The following PHLPP1 variants were observed in gnomAD, a reference collection of about 807,000 sequenced individuals.
The protein encoded by PHLPP1 is PH domain and leucine rich repeat protein phosphatase 1, also known as PH domain leucine-rich repeat-containing protein phosphatase 1.
In PHLPP1, 42 loss-of-function variants were observed where a neutral mutation model predicts 117.2. The observed-to-expected ratio is 0.36, with a 90% CI of 0.28 to 0.46. The LOEUF (loss-of-function observed/expected upper bound fraction) is 0.46. Among genes scored for constraint, PHLPP1 ranks in the 20% least tolerant of loss-of-function variants. PHLPP1 has a pLI of 1.00. For synonymous variants in PHLPP1, 1,042 were observed against 970.7 expected, an observed-to-expected ratio of 1.07 and a Z score of -1.37; for missense variants, 2,084 against 2,241.9, an observed-to-expected ratio of 0.93 and a Z score of 1.42.
intron 12 of PHLPP1, among the ~76,000 whole-genome samples, chr18:62,957,795 A>G (rs552220387): frequency 9.9e-5 from 15 of 150,922 alleles, no homozygotes; most frequent in Middle Eastern, 3.4e-3. Flanking sequence ...GGCTCACTGC[A>G]TCCTCCACCT....
At chr18:62,789,753 G>A (rs1455489639) in intron 1 of PHLPP1, among the ~76,000 whole-genome samples, 1 of 152,120 alleles carries the variant, frequency 6.6e-6, no homozygotes, top group Non-Finnish European at 1.5e-5. Context: ...ATAGGGCTGG[G>A]AAGTTCTGAG....
chr18:62,885,733 T>A (rs1916270660), intron 4 of PHLPP1, among the ~76,000 whole-genome samples: 1 of 152,168 alleles, frequency 6.6e-6, no homozygotes, highest in African/African-American at 2.4e-5. Flanking sequence ...TGCATGAATT[T>A]AGTGCATTTA....
intron 12 of PHLPP1, among the ~76,000 whole-genome samples, chr18:62,953,878 G>A (rs967201716): frequency 1.1e-4 from 17 of 152,080 alleles, no homozygotes; most frequent in Non-Finnish European, 2.9e-5. Flanking sequence ...AAGGAAGTAG[G>A]GTGTTACAGA....
At chr18:62,924,333 A>G (rs1909562072) in intron 10 of PHLPP1, among the ~76,000 whole-genome samples, 1 of 152,132 alleles carries the variant, frequency 6.6e-6, no homozygotes. Flanking sequence ...GTTTCGTTAT[A>G]TAACTGAGGA....
At chr18:62,957,798 C>T (rs1290919922) in intron 12 of PHLPP1, among the ~76,000 whole-genome samples, 1 of 151,962 alleles carries the variant, frequency 6.6e-6, no homozygotes, top group Non-Finnish European at 1.5e-5. Context: ...TCACTGCATC[C>T]TCCACCTCCC....
intron 4 of PHLPP1, among the ~76,000 whole-genome samples, chr18:62,875,115 T>G (rs1192750423): frequency 1.3e-5 from 2 of 152,022 alleles, no homozygotes; most frequent in Non-Finnish European, 2.9e-5. Context: ...CCACCACTCC[T>G]GGCTAATTTT....
chr18:62,790,258 G>A (rs1913418520), intron 1 of PHLPP1, among the ~76,000 whole-genome samples: 1 of 152,172 alleles, frequency 6.6e-6, no homozygotes, highest in Admixed American at 6.5e-5. Flanking sequence ...AGCCCAAACA[G>A]ACACTACAGA....
At chr18:62,919,879 A>C (rs879242827) in intron 9 of PHLPP1, 80 bp from the exon 10 acceptor site, 1 of 984,152 alleles carries the variant, frequency 1.0e-6, no homozygotes. Context: ...GCTCCAAGTG[A>C]ATTTGTGATT....
At chr18:62,977,508 C>T (rs926702981) in intron 16 of PHLPP1, among the ~76,000 whole-genome samples, 4 of 149,670 alleles carry the variant, frequency 2.7e-5, no homozygotes, top group African/African-American at 9.9e-5. Flanking sequence ...ATTTAAATAG[C>T]ATGCACACAG....
intron 6 of PHLPP1, among the ~76,000 whole-genome samples, chr18:62,900,370 T>TC: frequency 6.7e-6 from 1 of 149,420 alleles, no homozygotes; most frequent in Non-Finnish European, 1.5e-5. Flanking sequence ...CCTAGTTACA[T>TC]CATGGTGACT....
intron 1 of PHLPP1, among the ~76,000 whole-genome samples, chr18:62,721,759 A>G (rs888170094): frequency 2.0e-5 from 3 of 152,184 alleles, no homozygotes; most frequent in Non-Finnish European, 4.4e-5. Context: ...TTTTAGGTTG[A>G]AAGTTTTATC....
chr18:62,844,230 A>G (rs956192361), intron 3 of PHLPP1, among the ~76,000 whole-genome samples: 1 of 152,122 alleles, frequency 6.6e-6, no homozygotes, highest in East Asian at 1.9e-4. Flanking sequence ...CCAGCTACTC[A>G]GGAGGCTGAG....
At chr18:62,903,849 G>A (rs1286579146) in intron 7 of PHLPP1, among the ~76,000 whole-genome samples, 1 of 151,492 alleles carries the variant, frequency 6.6e-6, no homozygotes. Context: ...ACACCATGAA[G>A]CTAGAGTCTT....
At chr18:62,883,206 G>T (rs1360690603) in intron 4 of PHLPP1, among the ~76,000 whole-genome samples, 1 of 152,148 alleles carries the variant, frequency 6.6e-6, no homozygotes, top group African/African-American at 2.4e-5. Context: ...CATAAAGGAA[G>T]AGATTGCCAA....
intron 1 of PHLPP1, among the ~76,000 whole-genome samples, chr18:62,751,189 T>C (rs1157028580): frequency 6.6e-6 from 1 of 152,258 alleles, no homozygotes; most frequent in African/African-American, 2.4e-5. Flanking sequence ...TAAGCCTAGT[T>C]GGCAGAATTG....
chr18:62,913,739 CTTTTTTTTT>C (rs398033174), intron 8 of PHLPP1, among the ~76,000 whole-genome samples: 8 of 100,750 alleles, frequency 7.9e-5, no homozygotes, highest in African/African-American at 1.2e-4. Context: ...CTCTCTCTCT[CTTTTTTTTT>C]TTTTTTTTTT....
intron 1 of PHLPP1, among the ~76,000 whole-genome samples, chr18:62,720,379 A>G (rs770825030): frequency 1.8e-4 from 27 of 152,292 alleles, no homozygotes; most frequent in South Asian, 1.0e-3. Context: ...TAGTAATGAC[A>G]AAGGGTGTTG....
In PHLPP1 at chr18:62,963,444, T is replaced by G. The variant is rs1568176091; in HGVS notation, c.3532T>G (p.Tyr1178Asp). 1 of 1,613,014 alleles carries G rather than the reference T, an allele frequency of 6.2e-7. No individual in the cohort carries two copies. The highest frequency in any genetic ancestry group is 8.5e-7 in the Non-Finnish European group (1 of 1,179,386). ...AGCCCCAGCTGTATGGAGTCATGGT[T>G]ACACTGAAGCTTCGGGGGTAAAAAA... ...SGAPAVWSHG[Y>D]TEASGVKNKL... Residue 1178 changes from tyrosine to aspartate, a missense_variant, in exon 14 of 17, where the codon TAC becomes GAC. Tyr to Asp is a radical substitution (Grantham distance 160). Transcript: ENST00000262719.
chr18:62,805,787 G>T (rs968408390), intron 1 of PHLPP1, among the ~76,000 whole-genome samples: 2 of 151,874 alleles, frequency 1.3e-5, no homozygotes, highest in Non-Finnish European at 2.9e-5. Context: ...CTATGTTAAG[G>T]TCATGAAGAT....
Sources: gnomAD v4.1 joint callset for allele counts (sites outside exome capture counted in the v4.1 genomes callset) on GRCh38, gnomAD v4.1.1 for gene constraint, MANE v1.5 for transcripts, NCBI Gene and HGNC (gene_info 2026-07-23, HGNC 2026-07-21) for gene names.